UBR1: variants seen among roughly 807,000 people sequenced by gnomAD.
UBR1 encodes E3 ubiquitin-protein ligase UBR1.
In UBR1, 102 loss-of-function variants were observed where a neutral mutation model predicts 242.1. The observed-to-expected ratio is 0.42, with a 90% CI of 0.36 to 0.50. UBR1 has a LOEUF of 0.50. Among genes scored for constraint, UBR1 ranks in the 20% least tolerant of loss-of-function variants. The pLI, the probability that UBR1 is intolerant of heterozygous loss-of-function variation, is 0.01. For synonymous variants in UBR1, 675 were observed against 684.8 expected (o/e 0.99, Z 0.22); for missense variants, 1,772 against 2,101.8 (o/e 0.84, Z 3.07).
intron 1 of UBR1, among the ~76,000 whole-genome samples, chr15:43,094,134 C>CT (rs2141367699): frequency 6.6e-6 from 1 of 152,198 alleles, no homozygotes; most frequent in Admixed American, 6.6e-5. Flanking sequence ...TAAACTGCTT[C>CT]AAAAGATCAC....
At chr15:42,988,594 T>C in intron 35 of UBR1, 3 of 572,884 alleles carry the variant, frequency 5.2e-6, no homozygotes, top group South Asian at 4.2e-5. Context: ...TTAAAAATAT[T>C]TTTTTTAACT....
intron 32 of UBR1, among the ~76,000 whole-genome samples, chr15:43,002,079 T>C (rs188354614): frequency 9.2e-5 from 14 of 152,326 alleles, no homozygotes; most frequent in Admixed American, 7.2e-4. Flanking sequence ...CTAGTTCTCT[T>C]AGAGTCCAAA....
chr15:43,063,575 G>A (rs1596126087), intron 6 of UBR1, among the ~76,000 whole-genome samples: 1 of 152,118 alleles, frequency 6.6e-6, no homozygotes, highest in South Asian at 2.1e-4. Flanking sequence ...AGGCCAAGGT[G>A]GGTGAATCAC....
In UBR1 at chr15:43,103,654, C is replaced by T. The variant is rs181248636; in HGVS notation, c.81+2288G>A. On this transcript the variant is annotated intron_variant, in intron 1 of 46. Transcript: ENST00000290650. ...AGGAATACTACAGCCTTCACGCTTA[C>T]TAATAGCAATATGAATGAAAAAGGA... Among the ~76,000 whole-genome samples, 419 of 152,286 alleles carry T rather than the reference C, an allele frequency of 2.8e-3. 1 individual carries two copies. Among genetic ancestry groups the T allele is most frequent in the Non-Finnish European group, 4.0e-3 (272 of 68,032 alleles).
At chr15:43,040,310 T>C (rs1209600866) in intron 15 of UBR1, among the ~76,000 whole-genome samples, 1 of 152,168 alleles carries the variant, frequency 6.6e-6, no homozygotes, top group Non-Finnish European at 1.5e-5. Context: ...TCTACAACCA[T>C]CTGATCTTTG....
intron 5 of UBR1, 69 bp from the exon 6 acceptor site, chr15:43,068,105 A>G: frequency 1.7e-6 from 2 of 1,203,412 alleles, no homozygotes; most frequent in African/African-American, 1.6e-5. Context: ...AAAAAAAAAA[A>G]AAGACAAAAT....
In UBR1 at chr15:43,014,988, C is replaced by T. The variant is rs1354397479; in HGVS notation, c.3209+700G>A. Among the ~76,000 whole-genome samples the T allele has an allele frequency of 1.9e-4, 28 of 150,318 alleles. No homozygotes were observed. In the South Asian group the frequency reaches 2.1e-3, roughly 11 times the overall value. On this transcript the variant is annotated intron_variant, in intron 29 of 46. Transcript: ENST00000290650. ...GGGAGGGAGGTGGGGGGTCAGCCCC[C>T]GCCCGGCCAGACGCCCCGACTGGGA...
intron 2 of UBR1, among the ~76,000 whole-genome samples, chr15:43,084,245 C>T (rs1177868863): frequency 6.6e-6 from 1 of 151,988 alleles, no homozygotes; most frequent in Non-Finnish European, 1.5e-5. Context: ...GGATGTTTAG[C>T]AGGAATCTTG....
intron 39 of UBR1, 23 bp downstream of exon 39, chr15:42,976,694 C>A: frequency 1.2e-6 from 2 of 1,613,712 alleles, no homozygotes; most frequent in South Asian, 2.2e-5. Flanking sequence ...TATTCACAGT[C>A]AACACCCAGA....
intron 19 of UBR1, 79 bp downstream of exon 19, chr15:43,036,097 AAT>A: frequency 7.9e-7 from 1 of 1,271,492 alleles, no homozygotes; most frequent in Non-Finnish European, 1.1e-6. Flanking sequence ...AATATGGCTA[AAT>A]ATGACTGAAA....
chr15:42,984,300 C>T (rs1356064619), intron 36 of UBR1, among the ~76,000 whole-genome samples: 2 of 152,192 alleles, frequency 1.3e-5, no homozygotes, highest in African/African-American at 4.8e-5. Flanking sequence ...TTCTAGTCTT[C>T]TGTGCCAGCT....
chr15:43,058,472 C>T (rs949788604), intron 9 of UBR1, 43 bp from the exon 10 acceptor site: 1 of 1,492,862 alleles, frequency 6.7e-7, no homozygotes, highest in South Asian at 1.2e-5. Flanking sequence ...AGGAGAATCA[C>T]CAAGGCAAAA....
At chr15:42,963,470 G>C (rs2032054456) in intron 42 of UBR1, among the ~76,000 whole-genome samples, 1 of 152,078 alleles carries the variant, frequency 6.6e-6, no homozygotes, top group Non-Finnish European at 1.5e-5. Context: ...AAGTTTTTCT[G>C]AAAGAAGGAC....
At chr15:42,967,268 G>A (rs775931324) in intron 40 of UBR1, among the ~76,000 whole-genome samples, 2 of 111,798 alleles carry the variant, frequency 1.8e-5, no homozygotes, top group Non-Finnish European at 3.5e-5. Flanking sequence ...TCACTATCTT[G>A]CTCAGGCTGA....
intron 37 of UBR1, among the ~76,000 whole-genome samples, chr15:42,981,829 G>A (rs1213371743): frequency 1.3e-5 from 2 of 152,094 alleles, no homozygotes; most frequent in African/African-American, 4.8e-5. Flanking sequence ...TAGAAGTTCT[G>A]CTTAATTCAA....
At chr15:42,994,958 T>C (rs1245654314) in intron 33 of UBR1, among the ~76,000 whole-genome samples, 1 of 152,250 alleles carries the variant, frequency 6.6e-6, no homozygotes, top group Non-Finnish European at 1.5e-5. Context: ...CATTCCATGA[T>C]TTCTTTTTTA....
Position 42,945,294 on chromosome 15 carries a change from C to T in UBR1, c.*35G>A, listed in dbSNP as rs767638019. 8.1e-6 allele frequency: 13 copies of T among 1,613,844 alleles called. No homozygotes were observed. Among genetic ancestry groups the T allele is most frequent in the South Asian group, 3.3e-5 (3 of 91,004 alleles). ...ATTTTGAATCAGCCTTTACTACTGT[C>T]GTCATTTGTGATTGTCTTGAGGCAG... On this transcript the variant is annotated 3_prime_UTR_variant, in exon 47 of 47. Transcript: ENST00000290650.
rs755415352 is a variant in UBR1, at chr15:42,950,369, A to G, written c.5007-6T>C. The G allele has an allele frequency of 6.2e-7, 1 of 1,613,290 alleles. No individual in the cohort carries two copies. On this transcript the variant is annotated splice_polypyrimidine_tract_variant and splice_region_variant and intron_variant, in intron 45 of 46. Transcript: ENST00000290650. The stretch of plus-strand genomic sequence containing the variant: ...CCACTCGGCATTCTCTGATTCTGAA[A>G]GAGAAAATCAATAGGAAATATGGTT...
chr15:43,056,250 A>T (rs553473517), intron 11 of UBR1, 94 bp downstream of exon 11: 1 of 1,012,216 alleles, frequency 9.9e-7, no homozygotes, highest in African/African-American at 1.6e-5. Context: ...AGTGATTCTA[A>T]CATTGTTCTA....
Sources: gnomAD v4.1 joint callset for allele counts (sites outside exome capture counted in the v4.1 genomes callset) on GRCh38, gnomAD v4.1.1 for gene constraint, MANE v1.5 for transcripts, NCBI Gene and HGNC (gene_info 2026-07-23, HGNC 2026-07-21) for gene names.